The following COLEC11 variants were observed in gnomAD, a reference collection of about 807,000 sequenced individuals.
COLEC11 encodes collectin subfamily member 11.
In COLEC11, 20 loss-of-function variants were observed where a neutral mutation model predicts 27.3. The ratio of observed to expected loss-of-function variants is 0.73; its 90% confidence interval spans 0.51 to 1.06. The LOEUF (loss-of-function observed/expected upper bound fraction) is 1.06. Among genes scored for constraint, COLEC11 ranks in the 50% least tolerant of loss-of-function variants. COLEC11 has a pLI of 0.00. For synonymous variants in COLEC11, 163 were observed against 154.7 expected, an observed-to-expected ratio of 1.05 and a Z score of -0.40; for missense variants, 310 against 383.0, an observed-to-expected ratio of 0.81 and a Z score of 1.59.
chr2:3,600,938 C>A (rs954034083), intron 1 of COLEC11, among the ~76,000 whole-genome samples: 1 of 152,212 alleles, frequency 6.6e-6, no homozygotes, highest in Non-Finnish European at 1.5e-5. Flanking sequence ...TGCCCGGCCC[C>A]GTGATGGCTG....
intron 1 of COLEC11, among the ~76,000 whole-genome samples, chr2:3,599,540 T>C (rs905182232): frequency 4.6e-5 from 7 of 152,264 alleles, no homozygotes; most frequent in African/African-American, 1.7e-4. Context: ...TGGGTCACGG[T>C]GCCACACGCA....
chr2:3,631,987 G>A (rs1323114046), intron 3 of COLEC11, among the ~76,000 whole-genome samples: 2 of 152,208 alleles, frequency 1.3e-5, no homozygotes, highest in African/African-American at 4.8e-5. Context: ...TACCCACAGT[G>A]GGGGTGCAGG....
intron 3 of COLEC11, among the ~76,000 whole-genome samples, chr2:3,615,715 C>T (rs1367976286): frequency 1.3e-5 from 2 of 149,788 alleles, no homozygotes; most frequent in Non-Finnish European, 3.0e-5. Context: ...AAGGGGGCGG[C>T]TGGGCAGAGG....
At chr2:3,609,347 CTTTGATT>C (rs1411257702) in intron 2 of COLEC11, among the ~76,000 whole-genome samples, 8,510 of 70,936 alleles carry the variant, frequency 0.12, 853 homozygotes, top group African/African-American at 0.26. Context: ...AACTATTTTT[CTTTGATT>C]TTTTTTTTTT....
At position 3,604,304 on chromosome 2, in the gene COLEC11, C is replaced by T. The variant is rs1662461719; in HGVS notation, c.-26-11C>T. 1.9e-6 allele frequency: 3 copies of T among 1,613,926 alleles called. No individual in the cohort carries two copies. Among genetic ancestry groups the T allele is most frequent in the Admixed American group, 1.7e-5 (1 of 60,016 alleles). On this transcript the variant is annotated splice_polypyrimidine_tract_variant and intron_variant, in intron 1 of 6. Coordinates refer to ENST00000349077, the MANE Select transcript of COLEC11 (RefSeq NM_024027.5). ...CAGTTCCCATCACTGTTTATTCCTT[C>T]CTCTGTGTAGGAGTTGGTGTCCTGC... is the stretch of plus-strand genomic sequence containing the variant.
rs1196573992 is a variant in COLEC11 at position 3,602,467 on chromosome 2, G to A, written c.-26-1848G>A. Among the ~76,000 whole-genome samples the A allele has an allele frequency of 6.6e-6, 1 of 152,042 alleles. No homozygotes were observed. Among genetic ancestry groups the A allele is most frequent in the Non-Finnish European group, 1.5e-5 (1 of 68,018 alleles). On this transcript the variant is annotated intron_variant, in intron 1 of 6. Transcript: ENST00000349077. The surrounding 1 kb of genome is among the most constrained non-coding windows in gnomAD (Gnocchi z 6.2). ...TCTCTCTGTCATTTCCCACATAACTGATCAGCAAAACCTGTCAGCTTTGCT... is the reference window on the plus strand; with the variant it reads ...TCTCTCTGTCATTTCCCACATAACTAATCAGCAAAACCTGTCAGCTTTGCT...
At chr2:3,608,378 G>A (rs1352797840) in intron 2 of COLEC11, among the ~76,000 whole-genome samples, 1 of 152,162 alleles carries the variant, frequency 6.6e-6, no homozygotes, top group Non-Finnish European at 1.5e-5. Context: ...AAAGGATGTG[G>A]GAAAAATGTC....
Position 3,643,774 on chromosome 2 carries a change from A to G in COLEC11, c.472A>G (p.Lys158Glu), listed in dbSNP as rs751427364. Residue 158 changes from lysine (K) to glutamate (E), a missense_variant, in exon 7 of 7, where the codon AAG becomes GAG. Lys to Glu is a moderately conservative substitution (Grantham distance 56). Transcript: ENST00000349077. ...ETESKIYLLV[K>E]EEKRYADAQL... ...GGAGAGCAAGATCTACCTGCTGGTG[A>G]AGGAGGAGAAGCGCTACGCGGACGC... 3 of 1,613,572 alleles carry G rather than the reference A, an allele frequency of 1.9e-6. No individual in the cohort carries two copies. The South Asian group carries it at 3.3e-5, about 18-fold the overall frequency.
intron 3 of COLEC11, among the ~76,000 whole-genome samples, chr2:3,619,157 C>A (rs893738310): frequency 6.6e-6 from 1 of 151,834 alleles, no homozygotes; most frequent in East Asian, 1.9e-4. Flanking sequence ...ATCCCTCCCT[C>A]CTTCTTTCCC....
At chr2:3,616,799 G>A (rs1212888648) in intron 3 of COLEC11, among the ~76,000 whole-genome samples, 1 of 145,086 alleles carries the variant, frequency 6.9e-6, no homozygotes, top group African/African-American at 2.9e-5. Context: ...GAGACCGTGG[G>A]GAGAGGGAGA....
At chr2:3,612,962 G>A (rs143137307) in intron 2 of COLEC11, among the ~76,000 whole-genome samples, 73 of 147,388 alleles carry the variant, frequency 5.0e-4, no homozygotes, top group African/African-American at 1.9e-3. Context: ...GCCTGGAGAC[G>A]CTGCCGCCCT....
intron 3 of COLEC11, among the ~76,000 whole-genome samples, chr2:3,633,440 G>C (rs749850197): frequency 6.6e-6 from 1 of 152,210 alleles, no homozygotes; most frequent in Non-Finnish European, 1.5e-5. Context: ...GCTCACACTT[G>C]GCACCTGTCT....
intron 3 of COLEC11, among the ~76,000 whole-genome samples, chr2:3,633,441 G>T (rs1337406106): frequency 1.3e-5 from 2 of 152,222 alleles, no homozygotes; most frequent in Non-Finnish European, 2.9e-5. Flanking sequence ...CTCACACTTG[G>T]CACCTGTCTC....
At chr2:3,629,091 C>T (rs1002710630) in intron 3 of COLEC11, among the ~76,000 whole-genome samples, 12 of 152,192 alleles carry the variant, frequency 7.9e-5, no homozygotes, top group African/African-American at 1.7e-4. Context: ...GGGAAAAAGG[C>T]GTTAGGGCTC....
intron 3 of COLEC11, among the ~76,000 whole-genome samples, chr2:3,624,035 G>C (rs1442803353): frequency 6.6e-6 from 1 of 152,160 alleles, no homozygotes. Context: ...GGATGCACCT[G>C]CTCCACACCT....
chr2:3,641,276 C>T, intron 5 of COLEC11: 1 of 1,304,162 alleles, frequency 7.7e-7, no homozygotes, highest in Non-Finnish European at 1.0e-6. Flanking sequence ...GGAACGGCTG[C>T]TTGGAAGGTG....
intron 4 of COLEC11, among the ~76,000 whole-genome samples, chr2:3,638,515 C>T (rs180724641): frequency 6.8e-4 from 103 of 152,286 alleles, no homozygotes; most frequent in Non-Finnish European, 1.1e-3. Context: ...TCATCTGCCT[C>T]GGAGCAGGTT....
chr2:3,606,080 CCTGA>C, intron 2 of COLEC11: 1 of 1,549,794 alleles, frequency 6.5e-7, no homozygotes, highest in Non-Finnish European at 8.7e-7. Flanking sequence ...TGGCTTTGGC[CCTGA>C]CTTTGTGGTA....
rs550915354 is a variant in COLEC11 at position 3,617,878 on chromosome 2, A to G, written c.202+4496A>G. 1.6e-4 allele frequency: 87 copies of G among 552,994 alleles called. No homozygotes were observed. In the African/African-American group the frequency reaches 1.6e-3, roughly 10 times the overall value. 34.3% of individuals were successfully genotyped at this position (552,994 alleles called of 1,614,324 possible). A position where few individuals can be genotyped will look rare whatever the true frequency, so the allele number is the denominator to read the frequency against. On this transcript the variant is annotated intron_variant, in intron 3 of 6. Transcript: ENST00000349077. ...TAATCTCTTTTGACTTTTTGATACCAGCCATCCTAACAGGTGTGAGGTAAT... is the reference window on the plus strand; with the variant it reads ...TAATCTCTTTTGACTTTTTGATACCGGCCATCCTAACAGGTGTGAGGTAAT...
Sources: allele counts gnomAD v4.1 joint callset (sites outside exome capture counted in the v4.1 genomes callset), GRCh38; gene constraint gnomAD v4.1.1; non-coding constraint Gnocchi (gnomAD v3.1); transcripts MANE v1.5; gene names NCBI Gene and HGNC (gene_info 2026-07-23, HGNC 2026-07-21).